The following ARL13B variants were observed in gnomAD, a reference collection of about 807,000 sequenced individuals.
The protein encoded by ARL13B is ADP-ribosylation factor-like protein 13B.
Under a neutral mutation model 56.1 loss-of-function variants are expected in ARL13B, and 36 were observed. That is an observed-to-expected ratio of 0.64 (90% CI 0.49 to 0.85). The LOEUF is 0.85. ARL13B is among the 40% of genes least tolerant of loss of function. The pLI is 0.00. For synonymous variants in ARL13B, 178 were observed against 171.1 expected, an observed-to-expected ratio of 1.04 and a Z score of -0.32; for missense variants, 519 against 507.1, an observed-to-expected ratio of 1.02 and a Z score of -0.23.
intron 3 of ARL13B, chr3:94,015,326 A>AT (rs1358691205): frequency 2.7e-5 from 39 of 1,444,590 alleles, no homozygotes; most frequent in Non-Finnish European, 3.3e-5. Flanking sequence ...GAAATTTGGT[A>AT]TTTTTCCCCA....
chr3:93,982,314 C>T (rs1710260059), intron 1 of ARL13B, among the ~76,000 whole-genome samples: 1 of 152,130 alleles, frequency 6.6e-6, no homozygotes, highest in Non-Finnish European at 1.5e-5. Flanking sequence ...AGTGTATTTT[C>T]TTCTTTAATA....
intron 3 of ARL13B, among the ~76,000 whole-genome samples, chr3:94,008,558 A>C (rs2076170657): frequency 6.6e-6 from 1 of 152,166 alleles, no homozygotes; most frequent in Non-Finnish European, 1.5e-5. Context: ...CTGAGCTGCG[A>C]GGTATTTTAA....
rs1337400025 is a variant in ARL13B, at chr3:94,049,919, G to A, written c.1141+397G>A. Among the ~76,000 whole-genome samples, 6 of 150,930 alleles carry A rather than the reference G, an allele frequency of 4.0e-5. No homozygotes were observed. In the East Asian group the frequency reaches 7.8e-4, roughly 20 times the overall value. On this transcript the variant is annotated intron_variant, in intron 8 of 9. Coordinates refer to ENST00000394222, the MANE Select transcript of ARL13B (RefSeq NM_001174150.2). ...TGTAATCCCAGCACTTTGTGAGGCC[G>A]AGGCGGGCAGATAACCAGGTGAAGA...
At chr3:94,019,752 C>T (rs948433951) in intron 3 of ARL13B, among the ~76,000 whole-genome samples, 3 of 152,314 alleles carry the variant, frequency 2.0e-5, no homozygotes, top group South Asian at 2.1e-4. Context: ...GTTACCCCTC[C>T]GACCTCACCT....
At chr3:94,018,496 C>T (rs1232696578) in intron 3 of ARL13B, among the ~76,000 whole-genome samples, 8 of 152,128 alleles carry the variant, frequency 5.3e-5, no homozygotes, top group Non-Finnish European at 1.2e-4. Flanking sequence ...TTATCTCCCC[C>T]ACCTGTAAAT....
At chr3:94,034,232 A>C (rs1234334233) in intron 3 of ARL13B, among the ~76,000 whole-genome samples, 1 of 151,730 alleles carries the variant, frequency 6.6e-6, no homozygotes, top group Non-Finnish European at 1.5e-5. Flanking sequence ...GGGAAATACA[A>C]AAAAAAAGAA....
chr3:93,999,436 CTTT>C (rs1332398629), intron 2 of ARL13B, among the ~76,000 whole-genome samples: 1 of 151,804 alleles, frequency 6.6e-6, no homozygotes, highest in Non-Finnish European at 1.5e-5. Flanking sequence ...CTTTTTTTCC[CTTT>C]TTTATTTTTA....
intron 3 of ARL13B, among the ~76,000 whole-genome samples, chr3:94,025,550 A>G (rs1576005283): frequency 6.6e-6 from 1 of 152,054 alleles, no homozygotes; most frequent in Non-Finnish European, 1.5e-5. Context: ...ACTGGTGACC[A>G]CTCTGTTAAA....
chr3:94,034,113 A>G (rs1323868001), intron 3 of ARL13B, among the ~76,000 whole-genome samples: 1 of 152,112 alleles, frequency 6.6e-6, no homozygotes, highest in Non-Finnish European at 1.5e-5. Flanking sequence ...CTTACTGTTA[A>G]TTTTGTTAGG....
chr3:94,050,079 G>A (rs1324556586), intron 8 of ARL13B, among the ~76,000 whole-genome samples: 3 of 149,168 alleles, frequency 2.0e-5, no homozygotes, highest in Admixed American at 6.8e-5. Context: ...CAGGAGAATC[G>A]CTTGAACCTG....
chr3:93,994,972 G>A (rs953502908), intron 1 of ARL13B, among the ~76,000 whole-genome samples: 3 of 152,138 alleles, frequency 2.0e-5, no homozygotes, highest in Non-Finnish European at 2.9e-5. Flanking sequence ...ATACCCTATG[G>A]TCTAAATATG....
At chr3:94,013,778 C>A (rs1205354857) in intron 3 of ARL13B, among the ~76,000 whole-genome samples, 1 of 152,152 alleles carries the variant, frequency 6.6e-6, no homozygotes, top group African/African-American at 2.4e-5. Context: ...AAACCACCCC[C>A]TCTACTAAAA....
At position 94,029,340 on chromosome 3, in the gene ARL13B, T is replaced by TTA. The variant is rs1370395878; in HGVS notation, c.381-5990_381-5989insAT. On this transcript the variant is annotated intron_variant, in intron 3 of 9. Coordinates refer to ENST00000394222, the MANE Select transcript of ARL13B (RefSeq NM_001174150.2). ...TATATATATATATATATATATTTAT[T>TTA]TTTTTTTTATTTTTTTTTTTTTTTG... Among the ~76,000 whole-genome samples the TTA allele has an allele frequency of 7.4e-3, 464 of 62,982 alleles. 10 individuals carry two copies. The highest frequency in any genetic ancestry group is 0.033 in the African/African-American group (425 of 12,986). 41.3% of individuals were successfully genotyped at this position (62,982 alleles called of 152,430 possible).
At chr3:94,014,355 A>T (rs780067501) in intron 3 of ARL13B, 2 of 1,498,962 alleles carry the variant, frequency 1.3e-6, no homozygotes, top group East Asian at 4.6e-5. Context: ...CTTTTACCGT[A>T]AAGCTGGAAA....
At chr3:93,985,735 A>G (rs1710432940) in intron 1 of ARL13B, among the ~76,000 whole-genome samples, 1 of 152,156 alleles carries the variant, frequency 6.6e-6, no homozygotes, top group African/African-American at 2.4e-5. Flanking sequence ...CCTGCCCCCT[A>G]TTCATCTCCC....
Position 94,039,742 on chromosome 3 carries a change from A to G in ARL13B, c.690-138A>G, listed in dbSNP as rs1668902468. On this transcript the variant is annotated intron_variant, in intron 5 of 9. Coordinates refer to ENST00000394222, the MANE Select transcript of ARL13B (RefSeq NM_001174150.2). ...CCTCTTACCTGCATAAGGATTTTTG[A>G]AATGCTCTCAGTAATTCAAAACCAT... is the stretch of plus-strand genomic sequence containing the variant. The G allele has an allele frequency of 5.8e-6, 4 of 689,604 alleles. No homozygotes were observed. The Admixed American group carries it at 1.1e-4, about 19-fold the overall frequency. The allele number at this position is 689,604 out of a possible 1,614,324, so 42.7% of individuals were successfully genotyped here. A position where few individuals can be genotyped will look rare whatever the true frequency, so the allele number is the denominator to read the frequency against.
At chr3:94,017,157 A>G (rs903016533) in intron 3 of ARL13B, among the ~76,000 whole-genome samples, 1 of 152,128 alleles carries the variant, frequency 6.6e-6, no homozygotes, top group African/African-American at 2.4e-5. Flanking sequence ...AGATTGGAAA[A>G]CCATACCAAA....
At chr3:94,030,329 C>T (rs1305246920) in intron 3 of ARL13B, among the ~76,000 whole-genome samples, 3 of 151,576 alleles carry the variant, frequency 2.0e-5, no homozygotes, top group Non-Finnish European at 4.4e-5. Context: ...TGGGTTCAAG[C>T]GATTCTCATG....
intron 3 of ARL13B, among the ~76,000 whole-genome samples, chr3:94,024,895 T>A (rs921107589): frequency 6.6e-6 from 1 of 152,120 alleles, no homozygotes; most frequent in Non-Finnish European, 1.5e-5. Flanking sequence ...GCCTCTTTTT[T>A]AAAAAAATTA....
Sources: allele counts gnomAD v4.1 joint callset (sites outside exome capture counted in the v4.1 genomes callset), GRCh38; gene constraint gnomAD v4.1.1; transcripts MANE v1.5; gene names NCBI Gene and HGNC (gene_info 2026-07-23, HGNC 2026-07-21).